The following GRAMD1C variants were observed in gnomAD, a reference collection of about 807,000 sequenced individuals.
The protein encoded by GRAMD1C is protein Aster-C.
Under a neutral mutation model 97.8 loss-of-function variants are expected in GRAMD1C, and 89 were observed. That is an observed-to-expected ratio of 0.91 (90% CI 0.77 to 1.09). The LOEUF (loss-of-function observed/expected upper bound fraction) is 1.09, where lower values mean the gene tolerates loss of function less well. GRAMD1C is among the 50% of genes least tolerant of loss of function. The pLI is 0.00. For missense variants in GRAMD1C, 740 were observed against 766.4 expected, an observed-to-expected ratio of 0.97 and a Z score of 0.41; for synonymous variants, 256 against 267.0, an observed-to-expected ratio of 0.96 and a Z score of 0.40.
rs527718596 is a variant in GRAMD1C at position 113,946,916 on chromosome 3, T to TAA, written c.*1438_*1439insAA. 21 of 152,300 alleles carry TAA rather than the reference T, an allele frequency of 1.4e-4. No homozygotes were observed. The East Asian group carries it at 3.5e-3, about 25-fold the overall frequency. The allele number at this position is 152,300 out of a possible 1,614,324, so 9.4% of individuals were successfully genotyped here. On this transcript the variant is annotated 3_prime_UTR_variant, in exon 18 of 18. Transcript: ENST00000358160. ...TGGGTTTGTTTTGTTTTGGTAAGGA[T>TAA]TTATGTAGTGTCTGGCTGTAAGCAA...
chr3:113,889,376 G>A (rs1935629908), intron 6 of GRAMD1C, among the ~76,000 whole-genome samples: 1 of 152,216 alleles, frequency 6.6e-6, no homozygotes, highest in Non-Finnish European at 1.5e-5. Flanking sequence ...GAATAGGCAA[G>A]TTCATAGAAA....
At chr3:113,920,129 C>T in intron 10 of GRAMD1C, 3 of 1,396,980 alleles carry the variant, frequency 2.1e-6, no homozygotes, top group Non-Finnish European at 3.0e-6. Flanking sequence ...ACTGAGGAAA[C>T]AGAGAAAAAA....
At chr3:113,920,750 C>T (rs1355190217) in intron 10 of GRAMD1C, among the ~76,000 whole-genome samples, 1 of 152,068 alleles carries the variant, frequency 6.6e-6, no homozygotes, top group African/African-American at 2.4e-5. Context: ...ACCATGTTGG[C>T]CAGGCTGGTC....
rs1039318606 is a variant in GRAMD1C, at chr3:113,859,553, A to G, written c.175-9954A>G. On this transcript the variant is annotated intron_variant, in intron 2 of 17. Coordinates refer to ENST00000358160, the MANE Select transcript of GRAMD1C (RefSeq NM_017577.5). ...TTGATGTTATTAGGTTTTAATATGC[A>G]TTTGAAATACCTTAGAGAACCTAGA... Among the ~76,000 whole-genome samples the G allele has an allele frequency of 2.0e-5, 3 of 152,206 alleles. No individual in the cohort carries two copies. The South Asian group carries it at 6.2e-4, about 31-fold the overall frequency.
At chr3:113,914,833 G>T (rs1439344256) in intron 9 of GRAMD1C, among the ~76,000 whole-genome samples, 1 of 152,026 alleles carries the variant, frequency 6.6e-6, no homozygotes, top group Non-Finnish European at 1.5e-5. Context: ...TTATTTCTGT[G>T]ATTCTGTTTC....
At chr3:113,890,563 T>C in intron 6 of GRAMD1C, 1 of 562,042 alleles carries the variant, frequency 1.8e-6, no homozygotes, top group South Asian at 2.6e-5. Flanking sequence ...GGTGCTCTAT[T>C]CTAGCACTGG....
At chr3:113,922,906 G>A (rs1249196354) in intron 10 of GRAMD1C, among the ~76,000 whole-genome samples, 1 of 152,122 alleles carries the variant, frequency 6.6e-6, no homozygotes, top group African/African-American at 2.4e-5. Context: ...CCTATCACGA[G>A]CATGGAATGT....
At chr3:113,898,262 T>A (rs1173112511) in intron 6 of GRAMD1C, among the ~76,000 whole-genome samples, 6 of 152,164 alleles carry the variant, frequency 3.9e-5, no homozygotes, top group African/African-American at 1.4e-4. Flanking sequence ...CATTGGTTTA[T>A]CTTTTTGCTT....
chr3:113,851,854 T>A (rs763740199), intron 2 of GRAMD1C, among the ~76,000 whole-genome samples: 2 of 151,734 alleles, frequency 1.3e-5, no homozygotes, highest in African/African-American at 4.8e-5. Context: ...CAGAAGCCTT[T>A]ATTCTGTACT....
At chr3:113,896,052 A>G (rs1471971326) in intron 6 of GRAMD1C, among the ~76,000 whole-genome samples, 1 of 152,160 alleles carries the variant, frequency 6.6e-6, no homozygotes, top group East Asian at 1.9e-4. Flanking sequence ...ATTCTTTGGC[A>G]TGGCATACAA....
chr3:113,942,054 C>G (rs1040327061), intron 17 of GRAMD1C, among the ~76,000 whole-genome samples: 1 of 151,582 alleles, frequency 6.6e-6, no homozygotes, highest in African/African-American at 2.4e-5. Context: ...GCTGGAACTT[C>G]AGGTGTGAGC....
chr3:113,880,739 C>T (rs866078653), intron 5 of GRAMD1C, among the ~76,000 whole-genome samples: 98 of 152,178 alleles, frequency 6.4e-4, no homozygotes, highest in African/African-American at 1.8e-3. Flanking sequence ...AAGCTCTTTA[C>T]GTATATTTTC....
intron 11 of GRAMD1C, among the ~76,000 whole-genome samples, chr3:113,932,319 G>T (rs546408825): frequency 1.3e-5 from 2 of 152,314 alleles, no homozygotes; most frequent in African/African-American, 4.8e-5. Context: ...CGTAAGAAAA[G>T]TCTGGTATTT....
chr3:113,875,959 T>C, intron 4 of GRAMD1C: 1 of 474,194 alleles, frequency 2.1e-6, no homozygotes, highest in Non-Finnish European at 3.7e-6. Context: ...AGAGGAGTTG[T>C]TGGGGGAGAA....
Position 113,939,978 on chromosome 3 carries a change from A to C in GRAMD1C, c.1784A>C (p.Gln595Pro). ...AAQSFYRLRL[Q>P]EEKSLNLASD... ...CAGTCCTTTTACCGTCTCCGCCTCC[A>C]AGAAGAGAAATCTTTAAAGTAAGTC... The change falls in exon 16 of 18, where the codon CAA (glutamine) becomes CCA (proline). Residue 595 changes from glutamine (Q) to proline (P), a missense_variant. By Grantham distance (76) the Gln-to-Pro change is moderately conservative. Transcript: ENST00000358160. 6.3e-7 allele frequency: 1 copy of C among 1,576,050 alleles called. No individual in the cohort carries two copies. The highest frequency in any genetic ancestry group is 8.7e-7 in the Non-Finnish European group (1 of 1,145,286).
At chr3:113,879,747 G>A (rs970167377) in intron 5 of GRAMD1C, among the ~76,000 whole-genome samples, 12 of 146,026 alleles carry the variant, frequency 8.2e-5, no homozygotes, top group African/African-American at 3.1e-4. Context: ...AGGCTGGAGT[G>A]CAATGGCATG....
At chr3:113,908,472 C>G (rs1010632312) in intron 8 of GRAMD1C, among the ~76,000 whole-genome samples, 1 of 152,152 alleles carries the variant, frequency 6.6e-6, no homozygotes, top group African/African-American at 2.4e-5. Context: ...AATCTTCTCT[C>G]TCCCACTGTA....
chr3:113,840,803 G>A (rs1289188974), intron 1 of GRAMD1C, among the ~76,000 whole-genome samples: 1 of 152,196 alleles, frequency 6.6e-6, no homozygotes, highest in East Asian at 1.9e-4. Context: ...TGGCACAATA[G>A]CCCATCCTCC....
intron 7 of GRAMD1C, among the ~76,000 whole-genome samples, chr3:113,903,466 T>C (rs983306908): frequency 6.6e-6 from 1 of 152,214 alleles, no homozygotes; most frequent in Non-Finnish European, 1.5e-5. Context: ...TTTCCACATC[T>C]CACCTCCATC....
Sources: gnomAD v4.1 joint callset for allele counts (sites outside exome capture counted in the v4.1 genomes callset) on GRCh38, gnomAD v4.1.1 for gene constraint, MANE v1.5 for transcripts, NCBI Gene and HGNC (gene_info 2026-07-23, HGNC 2026-07-21) for gene names.